The following GRIN2A variants were observed in gnomAD, a reference collection of about 807,000 sequenced individuals.
GRIN2A encodes the protein glutamate ionotropic receptor NMDA type subunit 2A.
Under a neutral mutation model 113.4 loss-of-function variants are expected in GRIN2A, and 22 were observed. The observed-to-expected ratio is 0.19, with a 90% confidence interval of 0.14 to 0.28. The LOEUF (loss-of-function observed/expected upper bound fraction) is 0.28. GRIN2A is among the 10% of genes least tolerant of loss of function. GRIN2A has a pLI of 1.00. For missense variants in GRIN2A, 1,502 were observed against 1,887.0 expected, an observed-to-expected ratio of 0.80 and a Z score of 3.78; for synonymous variants, 827 against 738.4, an observed-to-expected ratio of 1.12 and a Z score of -1.94.
chr16:9,971,411 G>A (rs777951284), intron 2 of GRIN2A, among the ~76,000 whole-genome samples: 44 of 152,316 alleles, frequency 2.9e-4, no homozygotes, highest in Admixed American at 1.5e-3. Context: ...CATGTCATGA[G>A]CCATCTCATA....
intron 9 of GRIN2A, among the ~76,000 whole-genome samples, chr16:9,825,276 A>G (rs1350181933): frequency 6.6e-6 from 1 of 152,208 alleles, no homozygotes; most frequent in Non-Finnish European, 1.5e-5. Flanking sequence ...TTGCTTTTGC[A>G]ACAAATCTTA....
intron 2 of GRIN2A, among the ~76,000 whole-genome samples, chr16:10,094,538 C>T (rs964907379): frequency 6.6e-6 from 1 of 152,140 alleles, no homozygotes; most frequent in Non-Finnish European, 1.5e-5. Flanking sequence ...CAACCTCCAC[C>T]TCTTGGGTTC....
chr16:9,849,815 G>T lies in GRIN2A; in HGVS notation c.1269C>A (p.Asp423Glu), dbSNP rs766685370. Reference sequence around the variant, plus strand: ...TCCTCACACACGTCTCGGTCAGGGGGTCTATGTCTTCCACGATGACGAATG... The same window carrying T: ...TCCTCACACACGTCTCGGTCAGGGGTTCTATGTCTTCCACGATGACGAATG... ...EAPFVIVEDI[D>E]PLTETCVRNT... The change falls in exon 5 of 13, where the codon GAC becomes GAA. Residue 423 changes from aspartate to glutamate, a missense_variant. Asp to Glu is a conservative substitution (Grantham distance 45). Transcript: ENST00000330684. 3.1e-6 allele frequency: 5 copies of T among 1,614,058 alleles called. No individual in the cohort carries two copies. Among genetic ancestry groups the T allele is most frequent in the Admixed American group, 1.7e-5 (1 of 60,016 alleles).
At chr16:10,055,113 A>T (rs7190450) in intron 2 of GRIN2A, among the ~76,000 whole-genome samples, 1 of 31,686 alleles carries the variant, frequency 3.2e-5, no homozygotes, top group East Asian at 6.1e-3. Flanking sequence ...AAGAAAAAAG[A>T]AAAAAAAAAC....
chr16:10,058,991 C>T (rs1339972976), intron 2 of GRIN2A, among the ~76,000 whole-genome samples: 1 of 152,138 alleles, frequency 6.6e-6, no homozygotes, highest in Non-Finnish European at 1.5e-5. Context: ...GGTGTTGGTA[C>T]CCATGATGAA....
At chr16:9,972,002 G>A (rs991939387) in intron 2 of GRIN2A, among the ~76,000 whole-genome samples, 1 of 139,424 alleles carries the variant, frequency 7.2e-6, no homozygotes, top group African/African-American at 2.5e-5. Flanking sequence ...ACCTCTTTCT[G>A]GCCTGAGGAG....
chr16:9,944,895 C>T, intron 2 of GRIN2A, among the ~76,000 whole-genome samples: 1 of 152,200 alleles, frequency 6.6e-6, no homozygotes, highest in South Asian at 2.1e-4. Flanking sequence ...ACAAATTTAA[C>T]AAACTCCAGC....
intron 2 of GRIN2A, chr16:9,970,831 G>T: frequency 5.8e-6 from 2 of 342,806 alleles, no homozygotes; most frequent in Non-Finnish European, 8.2e-6. Flanking sequence ...ACGCAGACTG[G>T]TTGGTGAGAC....
intron 4 of GRIN2A, among the ~76,000 whole-genome samples, chr16:9,889,523 T>TCTAA (rs1199971650): frequency 6.6e-6 from 1 of 152,198 alleles, no homozygotes; most frequent in Non-Finnish European, 1.5e-5. Flanking sequence ...TTTGCTCTTT[T>TCTAA]CTAACTTCTA....
At chr16:10,103,539 G>C (rs550113357) in intron 2 of GRIN2A, among the ~76,000 whole-genome samples, 116 of 152,298 alleles carry the variant, frequency 7.6e-4, no homozygotes, top group African/African-American at 2.6e-3. Context: ...TGGCTCTTGA[G>C]TGTTTTGGGG....
At chr16:9,996,648 C>T (rs188425445) in intron 2 of GRIN2A, among the ~76,000 whole-genome samples, 2 of 152,314 alleles carry the variant, frequency 1.3e-5, no homozygotes, top group Non-Finnish European at 2.9e-5. Flanking sequence ...ATCATATACA[C>T]ATAGCTGTTG....
intron 2 of GRIN2A, among the ~76,000 whole-genome samples, chr16:10,140,680 T>G (rs1029782183): frequency 4.6e-5 from 7 of 152,038 alleles, no homozygotes; most frequent in African/African-American, 1.7e-4. Flanking sequence ...GGTCAGTCAG[T>G]GTATTCCTAT....
intron 10 of GRIN2A, among the ~76,000 whole-genome samples, chr16:9,817,658 A>G (rs566048198): frequency 6.6e-6 from 1 of 152,378 alleles, no homozygotes; most frequent in African/African-American, 2.4e-5. Context: ...CCCAGGACAC[A>G]GCTAGCTAAT....
In GRIN2A at chr16:9,888,231, A is replaced by G. The variant is rs1484657688; in HGVS notation, c.1122+2755T>C. On this transcript the variant is annotated intron_variant, in intron 4 of 12. Coordinates refer to ENST00000330684, the MANE Select transcript of GRIN2A (RefSeq NM_001134407.3). ...GTTGGAATTACAAGTGTTAGAAAAT[A>G]AAAAAGAGGGCTGGGCACAGTGGCT... Among the ~76,000 whole-genome samples the G allele has an allele frequency of 3.9e-5, 6 of 152,338 alleles. No homozygotes were observed. In the East Asian group the frequency reaches 1.2e-3, roughly 29 times the overall value.
chr16:9,818,703 C>T (rs2042229025), intron 10 of GRIN2A, among the ~76,000 whole-genome samples: 1 of 152,132 alleles, frequency 6.6e-6, no homozygotes, highest in South Asian at 2.1e-4. Flanking sequence ...AAATTTATAT[C>T]TCAGCATACT....
At chr16:10,018,802 G>T (rs2046658563) in intron 2 of GRIN2A, among the ~76,000 whole-genome samples, 1 of 152,084 alleles carries the variant, frequency 6.6e-6, no homozygotes, top group African/African-American at 2.4e-5. Flanking sequence ...GATTCTCTAG[G>T]TCCCAGAATC....
chr16:10,179,840 CA>C lies in GRIN2A; in HGVS notation c.414+157del, dbSNP rs938598721. ...TCCATTCATTTCTGGGTTGGAGAGG[CA>C]AGACCTGGTTCTCACCAGGGCCAGT... is the stretch of plus-strand genomic sequence containing the variant. On this transcript the variant is annotated intron_variant, in intron 2 of 12. Coordinates refer to ENST00000330684, the MANE Select transcript of GRIN2A (RefSeq NM_001134407.3). The C allele has an allele frequency of 1.1e-5, 8 of 698,100 alleles. No homozygotes were observed. In the Admixed American group the frequency reaches 1.5e-4, roughly 13 times the overall value. 43.2% of individuals were successfully genotyped at this position (698,100 alleles called of 1,614,324 possible).
At chr16:9,922,237 C>G (rs765693700) in intron 3 of GRIN2A, among the ~76,000 whole-genome samples, 1 of 151,966 alleles carries the variant, frequency 6.6e-6, no homozygotes, top group Non-Finnish European at 1.5e-5. Context: ...AAGTGATCTC[C>G]AGCATCCCTG....
chr16:10,001,099 T>G (rs1466731360), intron 2 of GRIN2A, among the ~76,000 whole-genome samples: 1 of 152,172 alleles, frequency 6.6e-6, no homozygotes, highest in Non-Finnish European at 1.5e-5. Flanking sequence ...GCCCCAATTG[T>G]CCTGGGCAAG....
Sources: gnomAD v4.1 joint callset for allele counts (sites outside exome capture counted in the v4.1 genomes callset) on GRCh38, gnomAD v4.1.1 for gene constraint, MANE v1.5 for transcripts, NCBI Gene and HGNC (gene_info 2026-07-23, HGNC 2026-07-21) for gene names.